The following PTH2R variants were observed in gnomAD, a reference collection of about 807,000 sequenced individuals.
PTH2R encodes the protein PTH2 receptor.
PTH2R carries 59 observed loss-of-function variants against 60.3 expected under a neutral mutation model. The ratio of observed to expected loss-of-function variants is 0.98; its 90% CI spans 0.79 to 1.22. The LOEUF is 1.22. Ranked by LOEUF, PTH2R falls within the 50% of genes most tolerant of loss-of-function variation. The pLI, the probability that PTH2R is intolerant of heterozygous loss-of-function variation, is 0.00. For synonymous variants in PTH2R, 256 were observed against 243.8 expected, an observed-to-expected ratio of 1.05 and a Z score of -0.47; for missense variants, 749 against 682.6, an observed-to-expected ratio of 1.10 and a Z score of -1.08.
At chr2:208,467,795 G>GAA (rs1221015626) in intron 9 of PTH2R, among the ~76,000 whole-genome samples, 2 of 152,064 alleles carry the variant, frequency 1.3e-5, no homozygotes, top group Non-Finnish European at 2.9e-5. Flanking sequence ...AGGTCCTTGC[G>GAA]AAAGACATTC....
At chr2:208,481,917 A>G (rs937441748) in intron 10 of PTH2R, among the ~76,000 whole-genome samples, 2 of 152,250 alleles carry the variant, frequency 1.3e-5, no homozygotes, top group Non-Finnish European at 2.9e-5. Flanking sequence ...GAAGAAAAGG[A>G]CAAATCGAAT....
intron 11 of PTH2R, among the ~76,000 whole-genome samples, chr2:208,490,244 A>G (rs1703372723): frequency 6.6e-6 from 1 of 152,162 alleles, no homozygotes; most frequent in Non-Finnish European, 1.5e-5. Flanking sequence ...AATGAACGAA[A>G]TAAAAGGTTT....
chr2:208,461,114 G>A (rs537490920), intron 9 of PTH2R, among the ~76,000 whole-genome samples: 138 of 152,190 alleles, frequency 9.1e-4, no homozygotes, highest in African/African-American at 3.2e-3. Context: ...TACAGAACAC[G>A]TTTAGAGAAG....
chr2:208,424,922 A>G (rs1701827356), intron 1 of PTH2R, among the ~76,000 whole-genome samples: 1 of 152,238 alleles, frequency 6.6e-6, no homozygotes, highest in Non-Finnish European at 1.5e-5. Flanking sequence ...CAACAGGAGC[A>G]TAACGAATTT....
At chr2:208,439,912 G>GA (rs761245815) in intron 4 of PTH2R, among the ~76,000 whole-genome samples, 59 of 152,056 alleles carry the variant, frequency 3.9e-4, no homozygotes, top group Non-Finnish European at 7.4e-4. Context: ...GAACTGAATG[G>GA]AAAAAATGTT....
intron 9 of PTH2R, 66 bp from the exon 10 acceptor site, chr2:208,481,004 A>G (rs1422611077): frequency 8.4e-7 from 1 of 1,195,988 alleles, no homozygotes; most frequent in Non-Finnish European, 1.2e-6. Flanking sequence ...ATTTCAATTT[A>G]TGTAAATGTT....
intron 1 of PTH2R, among the ~76,000 whole-genome samples, chr2:208,380,347 A>G (rs1700888777): frequency 6.6e-6 from 1 of 152,100 alleles, no homozygotes; most frequent in South Asian, 2.1e-4. Flanking sequence ...TAACAGTGAT[A>G]TTTACAGTTT....
At chr2:208,364,894 C>A (rs2125865636) in intron 1 of PTH2R, among the ~76,000 whole-genome samples, 1 of 152,092 alleles carries the variant, frequency 6.6e-6, no homozygotes, top group African/African-American at 2.4e-5. Context: ...TAGTCAATTT[C>A]TAAGAATTGT....
intron 1 of PTH2R, among the ~76,000 whole-genome samples, chr2:208,397,975 C>T (rs1019920247): frequency 6.6e-5 from 10 of 152,200 alleles, no homozygotes; most frequent in African/African-American, 2.2e-4. Flanking sequence ...TTCCCAAGGA[C>T]CCCTTTTCTT....
intron 2 of PTH2R, among the ~76,000 whole-genome samples, chr2:208,435,721 C>T (rs1001207869): frequency 1.3e-5 from 2 of 152,196 alleles, no homozygotes; most frequent in Non-Finnish European, 2.9e-5. Context: ...TCCCTCAGAG[C>T]CTCCAGAGAG....
At chr2:208,437,082 A>G (rs1176091681) in intron 2 of PTH2R, among the ~76,000 whole-genome samples, 3 of 152,212 alleles carry the variant, frequency 2.0e-5, no homozygotes, top group East Asian at 1.9e-4. Flanking sequence ...AAGGAGAAGT[A>G]CTGGTAAAAA....
chr2:208,419,672 C>G (rs1701711949), intron 1 of PTH2R, among the ~76,000 whole-genome samples: 1 of 152,168 alleles, frequency 6.6e-6, no homozygotes, highest in African/African-American at 2.4e-5. Flanking sequence ...ACATTTAAGT[C>G]TTTAATCCAT....
At chr2:208,372,286 A>C (rs1450639081) in intron 1 of PTH2R, among the ~76,000 whole-genome samples, 1 of 152,078 alleles carries the variant, frequency 6.6e-6, no homozygotes, top group Non-Finnish European at 1.5e-5. Flanking sequence ...TTGATTTAAG[A>C]GATTGTCATT....
intron 1 of PTH2R, among the ~76,000 whole-genome samples, chr2:208,385,366 CT>C (rs1700983569): frequency 6.6e-6 from 1 of 152,010 alleles, no homozygotes; most frequent in South Asian, 2.1e-4. Flanking sequence ...TAATAATACC[CT>C]TGTTGCTTGT....
intron 9 of PTH2R, among the ~76,000 whole-genome samples, chr2:208,469,538 T>C (rs1702833994): frequency 6.6e-6 from 1 of 152,176 alleles, no homozygotes; most frequent in Admixed American, 6.5e-5. Flanking sequence ...AGATAACTGA[T>C]TTTTAGAGAT....
chr2:208,481,285 C>G (rs1370631061), intron 10 of PTH2R, 121 bp downstream of exon 10: 1 of 456,352 alleles, frequency 2.2e-6, no homozygotes, highest in African/African-American at 5.2e-5. Context: ...ATGGCACAAT[C>G]TCGGCTCACT....
At chr2:208,374,522 A>C in intron 1 of PTH2R, among the ~76,000 whole-genome samples, 1 of 152,068 alleles carries the variant, frequency 6.6e-6, no homozygotes, top group East Asian at 1.9e-4. Flanking sequence ...ATTTACTTTG[A>C]GATGGAGTTT....
chr2:208,449,229 CCCCT>C (rs1171845001), intron 7 of PTH2R, among the ~76,000 whole-genome samples: 1 of 152,164 alleles, frequency 6.6e-6, no homozygotes, highest in African/African-American at 2.4e-5. Flanking sequence ...AAGCAGCTGT[CCCCT>C]CCCCATTACA....
intron 1 of PTH2R, among the ~76,000 whole-genome samples, chr2:208,422,255 C>A (rs557351583): frequency 1.3e-5 from 2 of 152,144 alleles, no homozygotes; most frequent in Non-Finnish European, 2.9e-5. Flanking sequence ...GGAGGGCAAT[C>A]GGCTTTGCTG....
Sources: allele counts gnomAD v4.1 joint callset (sites outside exome capture counted in the v4.1 genomes callset), GRCh38; gene constraint gnomAD v4.1.1; transcripts MANE v1.5; gene names NCBI Gene and HGNC (gene_info 2026-07-23, HGNC 2026-07-21).